The following CD109 variants were observed in gnomAD, a reference collection of about 807,000 sequenced individuals.
The protein encoded by CD109 is CD109 molecule, also known as CD109 antigen.
Under a neutral mutation model 165.8 loss-of-function variants are expected in CD109, and 149 were observed. The observed-to-expected ratio is 0.90, with a 90% CI of 0.79 to 1.03. The LOEUF is 1.03. CD109 is among the 50% of genes least tolerant of loss of function. The pLI is 0.00. For missense variants in CD109, 1,712 were observed against 1,677.8 expected, an observed-to-expected ratio of 1.02 and a Z score of -0.36; for synonymous variants, 585 against 592.1, an observed-to-expected ratio of 0.99 and a Z score of 0.18.
At chr6:73,731,861 CAT>C (rs542557463) in intron 4 of CD109, among the ~76,000 whole-genome samples, 59 of 152,272 alleles carry the variant, frequency 3.9e-4, no homozygotes, top group African/African-American at 1.1e-3. Flanking sequence ...GTGTCTGGCA[CAT>C]AGTACATGCT....
At chr6:73,689,793 T>C in the CD109 span, among the ~76,000 whole-genome samples, 1 of 152,226 alleles carries the variant, frequency 6.6e-6, no homozygotes, top group Non-Finnish European at 1.5e-5. Flanking sequence ...AAATCTAAGA[T>C]ACACCACTTA....
intron 22 of CD109, among the ~76,000 whole-genome samples, chr6:73,789,556 C>A (rs1421021641): frequency 1.3e-5 from 2 of 151,036 alleles, no homozygotes; most frequent in African/African-American, 4.9e-5. Context: ...CAGGTTCACG[C>A]CATTCTCCTG....
At chr6:73,767,647 G>T (rs1387862410) in intron 13 of CD109, among the ~76,000 whole-genome samples, 5 of 151,838 alleles carry the variant, frequency 3.3e-5, no homozygotes, top group Non-Finnish European at 5.9e-5. Flanking sequence ...ACTAAACCTT[G>T]TTTTATGTTT....
upstream of CD109, among the ~76,000 whole-genome samples, chr6:73,693,154 A>T (rs1363373607): frequency 3.8e-4 from 5 of 13,328 alleles, no homozygotes; most frequent in Admixed American, 5.1e-3. Context: ...GTAATTTATT[A>T]AAAAAAAAAG....
Position 73,766,965 on chromosome 6 carries a change from G to A in CD109, c.1452G>A (p.Glu484=). ...DENIKVGSPF[E]LVVSGNKRLK... is the part of the protein sequence containing the mutation. ...TTTTCTAGGTGGGATCGCCTTTTGAGTTGGTGGTTAGTGGCAACAAACGAT... is the reference window on the plus strand; with the variant it reads ...TTTTCTAGGTGGGATCGCCTTTTGAATTGGTGGTTAGTGGCAACAAACGAT... Residue 484 remains glutamate (E), a synonymous_variant, in exon 13 of 33, where the codon GAG becomes GAA. Coordinates refer to ENST00000287097, the MANE Select transcript of CD109 (RefSeq NM_133493.5). 1 of 1,613,728 alleles carries A rather than the reference G, an allele frequency of 6.2e-7. No individual in the cohort carries two copies.
At chr6:73,746,104 G>A (rs759684105) in intron 5 of CD109, among the ~76,000 whole-genome samples, 6 of 152,186 alleles carry the variant, frequency 3.9e-5, no homozygotes, top group Non-Finnish European at 7.3e-5. Flanking sequence ...GCACAAAGCG[G>A]CCCTATATTA....
intron 2 of CD109, among the ~76,000 whole-genome samples, chr6:73,714,272 G>A (rs551012348): frequency 6.6e-6 from 1 of 152,168 alleles, no homozygotes; most frequent in Non-Finnish European, 1.5e-5. Context: ...TCTGATGATC[G>A]TATCAGCTAG....
At position 73,824,045 on chromosome 6, in the gene CD109, G is replaced by T; in HGVS notation, c.*412G>T. 6.5e-6 allele frequency: 1 copy of T among 153,986 alleles called. No homozygotes were observed. Among genetic ancestry groups the T allele is most frequent in the Non-Finnish European group, 1.4e-5 (1 of 69,246 alleles). The allele number at this position is 153,986 out of a possible 1,614,324, so 9.5% of individuals were successfully genotyped here. On this transcript the variant is annotated 3_prime_UTR_variant, in exon 33 of 33. Coordinates refer to ENST00000287097, the MANE Select transcript of CD109 (RefSeq NM_133493.5). ...GGGAATGGGAGAAAACAGCCAGCAG[G>T]AGGAGCTTCATCTGTTCCCTTCCCA...
chr6:73,773,560 A>G (rs2150238555), intron 15 of CD109, among the ~76,000 whole-genome samples: 1 of 152,244 alleles, frequency 6.6e-6, no homozygotes, highest in South Asian at 2.1e-4. Flanking sequence ...TTTAGAAGTT[A>G]TGCGTTCTAT....
intron 16 of CD109, among the ~76,000 whole-genome samples, chr6:73,780,964 GTA>G (rs1774467531): frequency 6.7e-6 from 1 of 150,144 alleles, no homozygotes; most frequent in African/African-American, 2.4e-5. Flanking sequence ...AGATCAATGT[GTA>G]TGTGCGTGTG....
Position 73,792,472 on chromosome 6 carries a change from G to C in CD109, c.2702-154G>C, listed in dbSNP as rs142974858. 5.0e-4 allele frequency among the ~76,000 whole-genome samples: 76 copies of C among 152,186 alleles called. 1 individual carries two copies. The East Asian group carries it at 0.014, about 28-fold the overall frequency. On this transcript the variant is annotated intron_variant, in intron 22 of 32. Transcript: ENST00000287097. ...ATTTTTTTGACCAGTCTTCCTAAAA[G>C]CTTGGTGTAAAGTTCCAACTCTGTT...
At chr6:73,790,096 G>T (rs1303909071) in intron 22 of CD109, among the ~76,000 whole-genome samples, 2 of 93,390 alleles carry the variant, frequency 2.1e-5, no homozygotes, top group African/African-American at 4.4e-5. Context: ...CATGCTAAAA[G>T]TCCTTTTTTT....
intron 24 of CD109, among the ~76,000 whole-genome samples, chr6:73,806,516 A>AAAAAT (rs200373426): frequency 5.3e-5 from 8 of 152,278 alleles, no homozygotes; most frequent in East Asian, 1.9e-4. Context: ...TATAATAAAT[A>AAAAAT]AAAATAAAAT....
At chr6:73,790,286 G>T (rs7762638) in intron 22 of CD109, among the ~76,000 whole-genome samples, 57,641 of 150,492 alleles carry the variant, frequency 0.38, 11,181 homozygotes, top group African/African-American at 0.47. Flanking sequence ...ATTAGAGACG[G>T]GATTTCACCA....
At chr6:73,781,441 T>A in intron 17 of CD109, 122 bp downstream of exon 17, 1 of 805,726 alleles carries the variant, frequency 1.2e-6, no homozygotes, top group Non-Finnish European at 2.0e-6. Flanking sequence ...TTTGTTCTCT[T>A]CTCCCAAAAT....
Position 73,810,108 on chromosome 6 carries a change from G to A in CD109, c.3480G>A (p.Glu1160=), listed in dbSNP as rs1452618174. 6.2e-7 allele frequency: 1 copy of A among 1,609,036 alleles called. No individual in the cohort carries two copies. Among genetic ancestry groups the A allele is most frequent in the Non-Finnish European group, 8.5e-7 (1 of 1,178,478 alleles). The change falls in exon 27 of 33, where the codon GAG becomes GAA. Residue 1160 remains glutamate, a synonymous_variant. Transcript: ENST00000287097. The part of the protein sequence containing the change: ...LSHFLQFQTS[E]GIPIMRWLSR... ...ACTTCTTACAATTTCAGACTTCTGA[G>A]GGAATCCCAATTATGAGGTGGCTAA...
intron 5 of CD109, among the ~76,000 whole-genome samples, chr6:73,748,887 G>T (rs1319211437): frequency 6.6e-6 from 1 of 152,164 alleles, no homozygotes; most frequent in Non-Finnish European, 1.5e-5. Context: ...CTCTAAGTAG[G>T]ACAGTGTACA....
At position 73,827,386 on chromosome 6, in the gene CD109, T is replaced by C. The variant is rs1307138605; in HGVS notation, c.*3753T>C. 1.3e-5 allele frequency: 2 copies of C among 152,150 alleles called. No homozygotes were observed. The highest frequency in any genetic ancestry group is 2.9e-5 in the Non-Finnish European group (2 of 68,018). 9.4% of individuals were successfully genotyped at this position (152,150 alleles called of 1,614,324 possible). On this transcript the variant is annotated 3_prime_UTR_variant, in exon 33 of 33. Coordinates refer to ENST00000287097, the MANE Select transcript of CD109 (RefSeq NM_133493.5). Reference sequence around the variant, plus strand: ...CTTCTGTCGGACAGGCAGAAGAGTGTATTCCTCACTTTTTTTTTTGTCTTC... The same window carrying C: ...CTTCTGTCGGACAGGCAGAAGAGTGCATTCCTCACTTTTTTTTTTGTCTTC...
At chr6:73,730,723 G>C (rs1315509557) in intron 4 of CD109, 149 bp downstream of exon 4, 1 of 627,090 alleles carries the variant, frequency 1.6e-6, no homozygotes, top group African/African-American at 1.8e-5. Flanking sequence ...TAATAGGAAA[G>C]AAGGTGGTGC....
Sources: gnomAD v4.1 joint callset for allele counts (sites outside exome capture counted in the v4.1 genomes callset) on GRCh38, gnomAD v4.1.1 for gene constraint, MANE v1.5 for transcripts, NCBI Gene and HGNC (gene_info 2026-07-23, HGNC 2026-07-21) for gene names.